Variants in PCGF3 observed in about 807,000 individuals in gnomAD.
PCGF3 encodes polycomb group ring finger 3.
Under a neutral mutation model 33.1 loss-of-function variants are expected in PCGF3, and 7 were observed. That is an observed-to-expected ratio of 0.21 (90% confidence interval 0.12 to 0.40). The LOEUF (loss-of-function observed/expected upper bound fraction) is 0.40. PCGF3 is among the 10% of genes least tolerant of loss of function. The probability of loss-of-function intolerance (pLI) is 1.00; values close to 1 mark genes in which losing one functional copy is unlikely to be tolerated. For synonymous variants in PCGF3, 153 were observed against 121.3 expected (o/e 1.26, Z -1.72); for missense variants, 211 against 313.3 (o/e 0.67, Z 2.46).
intron 10 of PCGF3, among the ~76,000 whole-genome samples, chr4:765,700 G>T (rs1745330732): frequency 6.6e-6 from 1 of 152,182 alleles, no homozygotes; most frequent in African/African-American, 2.4e-5. Context: ...GAGGAGCCAA[G>T]GCTGGCCTGG....
chr4:710,574 G>A (rs546768624), intron 1 of PCGF3, among the ~76,000 whole-genome samples: 19 of 152,364 alleles, frequency 1.2e-4, no homozygotes, highest in African/African-American at 3.8e-4. Flanking sequence ...GTGGAGTGAC[G>A]TGTTAAGATG....
intron 8 of PCGF3, among the ~76,000 whole-genome samples, chr4:758,082 C>T (rs1158676045): frequency 2.0e-5 from 3 of 146,414 alleles, no homozygotes; most frequent in East Asian, 2.0e-4. Flanking sequence ...GCAGCGGAAT[C>T]GCTTGAACCC....
At chr4:707,022 C>T (rs563025365) in intron 1 of PCGF3, among the ~76,000 whole-genome samples, 82 of 152,172 alleles carry the variant, frequency 5.4e-4, no homozygotes, top group African/African-American at 1.8e-3. Context: ...CCAGGCAGGA[C>T]CCCGGGAGGG....
chr4:766,203 CTT>C (rs1029382243), exon 11 of PCGF3: 52 of 723,460 alleles, frequency 7.2e-5, no homozygotes, highest in Admixed American at 7.1e-4. Flanking sequence ...ATATTTATAA[CTT>C]TTGTATGAGA....
chr4:714,001 C>T (rs763178566), intron 1 of PCGF3, among the ~76,000 whole-genome samples: 4 of 152,272 alleles, frequency 2.6e-5, no homozygotes, highest in Non-Finnish European at 5.9e-5. Context: ...TGCTGTGGTC[C>T]GAACGTCTGT....
chr4:765,375 G>A lies in PCGF3; in HGVS notation c.681+311G>A, dbSNP rs551801596. On this transcript the variant is annotated intron_variant, in intron 10 of 10. Transcript: ENST00000362003. ...GTGAACCCGGGAGACGAAGCTTGCA[G>A]TGAGCCAAGATCGTGCCACTGCACT... Among the ~76,000 whole-genome samples, 8 of 152,004 alleles carry A rather than the reference G, an allele frequency of 5.3e-5. No homozygotes were observed. In the South Asian group the frequency reaches 8.3e-4, roughly 16 times the overall value.
intron 1 of PCGF3, among the ~76,000 whole-genome samples, chr4:711,852 T>C (rs1393773723): frequency 6.6e-6 from 1 of 151,780 alleles, no homozygotes; most frequent in Non-Finnish European, 1.5e-5. Flanking sequence ...TCCCAGCTAC[T>C]TGGGAGGCTG....
chr4:735,699 G>A (rs564970910), intron 5 of PCGF3, among the ~76,000 whole-genome samples: 3 of 152,354 alleles, frequency 2.0e-5, no homozygotes, highest in Non-Finnish European at 4.4e-5. Context: ...TGGAGCAGAT[G>A]GTCCTGGGGC....
At position 721,101 on chromosome 4, in the gene PCGF3, C is replaced by T. The variant is rs560939844; in HGVS notation, c.-189-9529C>T. ...CTGGGCACCCATGAGGCTGAGGACCCTGGGGAGGGAACGCTGCTTGTCGGG... is the reference window on the plus strand; with the variant it reads ...CTGGGCACCCATGAGGCTGAGGACCTTGGGGAGGGAACGCTGCTTGTCGGG... On this transcript the variant is annotated intron_variant, in intron 1 of 10. Transcript: ENST00000362003. This position sits in a 1 kb window ranked among gnomAD's most constrained non-coding sequence, Gnocchi z 4.1. 4.0e-5 allele frequency among the ~76,000 whole-genome samples: 6 copies of T among 151,852 alleles called. No homozygotes were observed. In the East Asian group the frequency reaches 1.2e-3, roughly 30 times the overall value.
rs1048344672 is a variant in PCGF3 at position 731,093 on chromosome 4, C to T, written c.-27C>T. 5.0e-6 allele frequency: 2 copies of T among 398,612 alleles called. No individual in the cohort carries two copies. The highest frequency in any genetic ancestry group is 8.9e-6 in the Non-Finnish European group (2 of 225,986). The allele number at this position is 398,612 out of a possible 1,614,324, so 24.7% of individuals were successfully genotyped here. On this transcript the variant is annotated 5_prime_UTR_variant, in exon 3 of 11. It adds an upstream start codon to the 5' untranslated region. Coordinates refer to ENST00000362003, the Ensembl canonical transcript of PCGF3. ...CCATGCCCCGGCAGAGGGACGGACA[C>T]GCGGACGTCTAGCGGAGGTGAGGCC...
In PCGF3 at chr4:730,680, TA is replaced by T. The variant is rs1278841356; in HGVS notation, c.-151+13del. 4.5e-6 allele frequency: 1 copy of T among 220,382 alleles called. No individual in the cohort carries two copies. The highest frequency in any genetic ancestry group is 9.0e-5 in the East Asian group (1 of 11,110). The allele number at this position is 220,382 out of a possible 1,614,324, so 13.7% of individuals were successfully genotyped here. ...GGCGTCGTGCTCAGGTAAGTGCGCGTAGGCCGACTGCCCTCTTCTTTCCGCA... is the reference window on the plus strand; with the variant it reads ...GGCGTCGTGCTCAGGTAAGTGCGCGTGGCCGACTGCCCTCTTCTTTCCGCA... On this transcript the variant is annotated intron_variant, in intron 2 of 10. Coordinates refer to ENST00000362003, the Ensembl canonical transcript of PCGF3.
intron 1 of PCGF3, among the ~76,000 whole-genome samples, chr4:708,861 C>A (rs1027488483): frequency 6.6e-6 from 1 of 152,158 alleles, no homozygotes; most frequent in African/African-American, 2.4e-5. Context: ...AAAGTTGGAG[C>A]AGGCAAGGCT....
intron 8 of PCGF3, among the ~76,000 whole-genome samples, chr4:751,176 G>A (rs1004164836): frequency 1.1e-4 from 16 of 152,176 alleles, no homozygotes; most frequent in Non-Finnish European, 2.4e-4. Flanking sequence ...TGGATTCCGT[G>A]TCCGTTTGTG....
At chr4:727,555 T>A (rs565498834) in intron 1 of PCGF3, among the ~76,000 whole-genome samples, 1 of 152,162 alleles carries the variant, frequency 6.6e-6, no homozygotes, top group Non-Finnish European at 1.5e-5. Context: ...TTGTTTTTTT[T>A]AAATCATGAA....
Position 765,125 on chromosome 4 carries a change from C to T in PCGF3, c.681+61C>T, listed in dbSNP as rs1045068272. On this transcript the variant is annotated intron_variant, in intron 10 of 10. Transcript: ENST00000362003. ...GAATGGCAGTGACTTTGCTGTGCAT[C>T]TCTTATCTAAAATGTTAAATGACTC... The T allele has an allele frequency of 1.9e-5, 22 of 1,178,078 alleles. No homozygotes were observed. The African/African-American group carries it at 2.2e-4, about 12-fold the overall frequency. The allele number at this position is 1,178,078 out of a possible 1,614,324, so 73.0% of individuals were successfully genotyped here.
intron 6 of PCGF3, 36 bp from the exon 7 acceptor site, chr4:743,438 C>T: frequency 1.6e-6 from 2 of 1,219,480 alleles, no homozygotes; most frequent in Non-Finnish European, 1.2e-6. Flanking sequence ...AATCCACTGC[C>T]TGTGAGATGA....
chr4:734,776 A>G (rs1231952451), intron 4 of PCGF3, 155 bp from the exon 5 acceptor site: 2 of 1,409,482 alleles, frequency 1.4e-6, no homozygotes, highest in African/African-American at 1.5e-5. Context: ...GAACGGCAAG[A>G]TGTTTCCTTT....
chr4:769,184 T>C (rs1175425242), exon 11 of PCGF3: 2 of 152,710 alleles, frequency 1.3e-5, no homozygotes, highest in African/African-American at 4.8e-5. Flanking sequence ...CAGGGCCATG[T>C]GGCCTCAGAC....
At chr4:734,554 T>C (rs999160973) in intron 4 of PCGF3, 2 of 1,165,972 alleles carry the variant, frequency 1.7e-6, no homozygotes, top group Non-Finnish European at 2.1e-6. Flanking sequence ...CATTTGATTT[T>C]ATCTAGTTGT....
Sources: allele counts gnomAD v4.1 joint callset (sites outside exome capture counted in the v4.1 genomes callset), GRCh38; gene constraint gnomAD v4.1.1; non-coding constraint Gnocchi (gnomAD v3.1); transcripts MANE v1.5; gene names NCBI Gene and HGNC (gene_info 2026-07-23, HGNC 2026-07-21).